The following PDE12 variants were observed in gnomAD, a reference collection of about 807,000 sequenced individuals.
PDE12 encodes the protein 2',5'-phosphodiesterase 12.
In PDE12, 26 loss-of-function variants were observed where a neutral mutation model predicts 45.4. The ratio of observed to expected loss-of-function variants is 0.57; its 90% confidence interval spans 0.42 to 0.79. The LOEUF is 0.79. Among genes scored for constraint, PDE12 ranks in the 30% least tolerant of loss-of-function variants. The pLI is 0.00. For synonymous variants in PDE12, 283 were observed against 323.9 expected (o/e 0.87, Z 1.36); for missense variants, 668 against 790.0 (o/e 0.85, Z 1.85).
the PDE12 span, among the ~76,000 whole-genome samples, chr3:57,617,189 G>C: frequency 6.6e-6 from 1 of 152,048 alleles, no homozygotes; most frequent in Non-Finnish European, 1.5e-5. Flanking sequence ...AGGATCATTT[G>C]AGCTCAGGAG....
chr3:57,571,146 CT>C (rs1559781220), downstream of PDE12, among the ~76,000 whole-genome samples: 1 of 151,968 alleles, frequency 6.6e-6, no homozygotes, highest in African/African-American at 2.4e-5. Context: ...CCAGGCCCTC[CT>C]TTTACCCTTG....
At chr3:57,595,802 T>G in the PDE12 span, among the ~76,000 whole-genome samples, 2 of 151,814 alleles carry the variant, frequency 1.3e-5, no homozygotes, top group African/African-American at 4.8e-5. Flanking sequence ...ATACAAAAAA[T>G]TAGCCAGGCG....
At chr3:57,622,149 C>G in the PDE12 span, among the ~76,000 whole-genome samples, 1 of 152,204 alleles carries the variant, frequency 6.6e-6, no homozygotes, top group Non-Finnish European at 1.5e-5. Flanking sequence ...GTATTCCAGC[C>G]TGCGCAACAG....
chr3:57,604,873 G>A, the PDE12 span, among the ~76,000 whole-genome samples: 10 of 151,738 alleles, frequency 6.6e-5, no homozygotes, highest in Non-Finnish European at 1.0e-4. Flanking sequence ...TCAGCCTCCC[G>A]AAGTATTGTG....
At chr3:57,574,187 C>A in the PDE12 span, among the ~76,000 whole-genome samples, 178 of 152,238 alleles carry the variant, frequency 1.2e-3, no homozygotes, top group African/African-American at 3.9e-3. Flanking sequence ...GATCCACCCA[C>A]CTCAGCCTCC....
the PDE12 span, chr3:57,634,761 G>A: frequency 1.9e-6 from 3 of 1,562,054 alleles, no homozygotes; most frequent in East Asian, 6.9e-5. Context: ...ACCTGCTTAG[G>A]AATTTCACCT....
the PDE12 span, among the ~76,000 whole-genome samples, chr3:57,631,690 G>A: frequency 6.7e-6 from 1 of 150,236 alleles, no homozygotes; most frequent in Non-Finnish European, 1.5e-5. Flanking sequence ...TTGAAATGAG[G>A]TCTACTTGAC....
chr3:57,637,007 C>G, the PDE12 span, among the ~76,000 whole-genome samples: 6 of 146,248 alleles, frequency 4.1e-5, no homozygotes, highest in Non-Finnish European at 9.0e-5. Flanking sequence ...AAGTTAAATA[C>G]AGAAGCATGA....
chr3:57,570,240 G>A (rs3856705), downstream of PDE12, among the ~76,000 whole-genome samples: 3 of 86,632 alleles, frequency 3.5e-5, no homozygotes, highest in African/African-American at 6.5e-5. Context: ...TTTTTTTTTT[G>A]GAGACAGAGT....
chr3:57,567,983 G>A (rs112581429), downstream of PDE12, among the ~76,000 whole-genome samples: 1,713 of 146,058 alleles, frequency 0.012, 32 homozygotes, highest in African/African-American at 0.041. Context: ...CAGGAGAATC[G>A]CTTGAACCCG....
At chr3:57,612,001 T>A in the PDE12 span, among the ~76,000 whole-genome samples, 31 of 152,032 alleles carry the variant, frequency 2.0e-4, no homozygotes, top group African/African-American at 6.5e-4. Context: ...CAAATGTCCA[T>A]CAATGAGAGA....
At chr3:57,612,749 G>A in the PDE12 span, among the ~76,000 whole-genome samples, 3 of 139,124 alleles carry the variant, frequency 2.2e-5, no homozygotes, top group African/African-American at 8.0e-5. Context: ...TCAGCCTGGT[G>A]ACAGAGTGAG....
chr3:57,590,132 T>TAAAAAAAA, the PDE12 span, among the ~76,000 whole-genome samples: 4 of 136,226 alleles, frequency 2.9e-5, no homozygotes, highest in Non-Finnish European at 1.6e-5. Context: ...AATAAATAAA[T>TAAAAAAAA]AAAACAAAAA....
the PDE12 span, among the ~76,000 whole-genome samples, chr3:57,636,847 GA>G: frequency 2.3e-4 from 34 of 145,916 alleles, no homozygotes; most frequent in East Asian, 3.3e-3. Context: ...TGACACAGGA[GA>G]ATCACTTGAA....
rs779377706 is a variant in PDE12, at chr3:57,556,830, G to T, written c.451G>T (p.Gly151Cys). The change falls in exon 1 of 3, where the codon GGC becomes TGC. Residue 151 changes from glycine (G) to cysteine (C), a missense_variant. Around this residue, in one of 3 missense-constraint regions of PDE12, gnomAD observed 580 missense variants for 662.9 expected, o/e 0.87. Transcript: ENST00000311180. The surrounding 1 kb of genome is among the most constrained non-coding windows in gnomAD (Gnocchi z 5.0). ...AWQDGAVLQIGDVKYKVERNP... is the reference protein window; with the variant it reads ...AWQDGAVLQICDVKYKVERNP... ...GCAAGACGGCGCGGTGCTGCAGATC[G>T]GCGATGTTAAGTACAAGGTGGAGCG... The T allele has an allele frequency of 1.2e-6, 2 of 1,613,892 alleles. No homozygotes were observed. The highest frequency in any genetic ancestry group is 3.3e-5 in the Admixed American group (2 of 60,032).
the PDE12 span, among the ~76,000 whole-genome samples, chr3:57,600,335 C>T: frequency 6.6e-6 from 1 of 150,484 alleles, no homozygotes; most frequent in East Asian, 2.0e-4. Flanking sequence ...AAATTCTTTT[C>T]TTTTCTCTTT....
At chr3:57,596,761 T>G in the PDE12 span, 1 of 323,606 alleles carries the variant, frequency 3.1e-6, no homozygotes, top group South Asian at 3.3e-5. Context: ...AAGTGTTTGC[T>G]TCCCAGAGTT....
chr3:57,595,529 T>G, the PDE12 span, among the ~76,000 whole-genome samples: 1 of 152,236 alleles, frequency 6.6e-6, no homozygotes, highest in Admixed American at 6.5e-5. Flanking sequence ...AAACAATTGA[T>G]TCACAAAGTG....
At chr3:57,597,754 T>C in the PDE12 span, 1 of 152,804 alleles carries the variant, frequency 6.5e-6, no homozygotes, top group Non-Finnish European at 1.5e-5. Flanking sequence ...ATGGGTTAGG[T>C]GAGGAACCTC....
Sources: allele counts gnomAD v4.1 joint callset (sites outside exome capture counted in the v4.1 genomes callset), GRCh38; gene constraint gnomAD v4.1.1; regional missense constraint gnomAD v4.1.1; non-coding constraint Gnocchi (gnomAD v3.1); transcripts MANE v1.5; gene names NCBI Gene and HGNC (gene_info 2026-07-23, HGNC 2026-07-21).